MORC1: variants seen among roughly 807,000 people sequenced by gnomAD.
The protein encoded by MORC1 is MORC family CW-type zinc finger 1, also known as MORC family CW-type zinc finger protein 1.
A neutral mutation model predicts 134.9 loss-of-function variants in MORC1; 59 were observed. The observed-to-expected ratio is 0.44, with a 90% confidence interval of 0.35 to 0.54. The LOEUF is 0.54. MORC1 is among the 20% of genes least tolerant of loss of function. The pLI, the probability that MORC1 is intolerant of heterozygous loss-of-function variation, is 0.00. For missense variants in MORC1, 947 were observed against 1,134.5 expected, an observed-to-expected ratio of 0.83 and a Z score of 2.37; for synonymous variants, 395 against 391.7, an observed-to-expected ratio of 1.01 and a Z score of -0.10.
chr3:108,978,051 G>A (rs1366211094), intron 24 of MORC1, among the ~76,000 whole-genome samples: 1 of 152,080 alleles, frequency 6.6e-6, no homozygotes, highest in Admixed American at 6.5e-5. Context: ...CTAATTTTTT[G>A]TATTTTTAGT....
chr3:109,102,343 A>G (rs1162613423), intron 4 of MORC1, among the ~76,000 whole-genome samples: 3 of 152,166 alleles, frequency 2.0e-5, no homozygotes, highest in African/African-American at 7.2e-5. Context: ...AATTGTATTA[A>G]GTAATGGAAA....
intron 21 of MORC1, among the ~76,000 whole-genome samples, chr3:108,998,916 T>C (rs942691379): frequency 1.3e-5 from 2 of 152,110 alleles, no homozygotes; most frequent in Admixed American, 6.5e-5. Flanking sequence ...ATAAACATCA[T>C]CTCTAATTCC....
intron 16 of MORC1, among the ~76,000 whole-genome samples, chr3:109,031,673 G>A (rs1949244434): frequency 6.6e-6 from 1 of 152,120 alleles, no homozygotes; most frequent in African/African-American, 2.4e-5. Context: ...CCAAAATAAA[G>A]AAGAATAGAA....
Position 109,082,937 on chromosome 3 carries a change from T to C in MORC1, c.689+10499A>G, listed in dbSNP as rs114157301. ...TATCCAGGTATGGAAGCTCAGAAAA[T>C]ACCAAACAGATCCAACCCAAATAAG... On this transcript the variant is annotated intron_variant, in intron 8 of 27. Coordinates refer to ENST00000232603, the MANE Select transcript of MORC1 (RefSeq NM_014429.4). 5.1e-3 allele frequency among the ~76,000 whole-genome samples: 782 copies of C among 151,920 alleles called. 18 individuals are homozygous for C. The highest frequency in any genetic ancestry group is 0.018 in the African/African-American group (749 of 41,410).
At position 108,973,595 on chromosome 3, in the gene MORC1, GT is replaced by G. The variant is rs63198360; in HGVS notation, c.2478-2194del. On this transcript the variant is annotated intron_variant, in intron 24 of 27. Coordinates refer to ENST00000232603, the MANE Select transcript of MORC1 (RefSeq NM_014429.4). ...TTCGTTTTTTGTTTGCTTTGTTTTG[GT>G]TTTTTTTTTTTTTTTTCAGACTGAG... Among the ~76,000 whole-genome samples, 386 of 77,906 alleles carry G rather than the reference GT, an allele frequency of 5.0e-3. 1 individual carries two copies. The highest frequency in any genetic ancestry group is 0.021 in the African/African-American group (342 of 16,526). 51.1% of individuals were successfully genotyped at this position (77,906 alleles called of 152,430 possible).
At chr3:109,037,688 A>T (rs1949410502) in intron 14 of MORC1, among the ~76,000 whole-genome samples, 1 of 152,026 alleles carries the variant, frequency 6.6e-6, no homozygotes, top group Non-Finnish European at 1.5e-5. Context: ...TGAGAACATG[A>T]GGTGTTTGGT....
At chr3:108,986,770 C>T (rs1947904601) in intron 22 of MORC1, 110 bp downstream of exon 22, 1 of 755,710 alleles carries the variant, frequency 1.3e-6, no homozygotes, top group South Asian at 2.1e-5. Context: ...TTTTTAAAAT[C>T]CAAGTTGCTG....
intron 17 of MORC1, among the ~76,000 whole-genome samples, 185 bp downstream of exon 17, chr3:109,027,564 ATT>A (rs56210875): frequency 6.8e-6 from 1 of 147,686 alleles, no homozygotes; most frequent in Admixed American, 6.8e-5. Context: ...CATATACAGT[ATT>A]TTTTTTTTTT....
chr3:109,076,974 T>TAAAAAAA (rs10674222), intron 8 of MORC1, among the ~76,000 whole-genome samples: 3 of 142,466 alleles, frequency 2.1e-5, no homozygotes, highest in Non-Finnish European at 3.0e-5. Context: ...CTTAAAGTAT[T>TAAAAAAA]AAAAAAAAAA....
chr3:109,110,416 G>A (rs1217326228), intron 3 of MORC1: 5 of 229,788 alleles, frequency 2.2e-5, no homozygotes, highest in African/African-American at 1.1e-4. Flanking sequence ...TGGGAATGAT[G>A]TATGCTTAAT....
intron 22 of MORC1, among the ~76,000 whole-genome samples, chr3:108,985,651 AC>A (rs1947876993): frequency 6.6e-6 from 1 of 152,200 alleles, no homozygotes; most frequent in Admixed American, 6.5e-5. Flanking sequence ...AAAATTTTTA[AC>A]CCAACAGCTA....
chr3:109,108,205 T>C (rs577388295), intron 3 of MORC1, among the ~76,000 whole-genome samples: 4 of 152,064 alleles, frequency 2.6e-5, no homozygotes, highest in South Asian at 4.2e-4. Context: ...AAAGGAGAAG[T>C]GCCACTTTAA....
intron 6 of MORC1, among the ~76,000 whole-genome samples, chr3:109,095,323 G>A (rs1309473463): frequency 1.3e-5 from 2 of 152,174 alleles, no homozygotes; most frequent in Non-Finnish European, 2.9e-5. Context: ...AGGGTAGAAT[G>A]GCAGAGGAAA....
At chr3:108,976,950 G>A (rs180782446) in intron 24 of MORC1, among the ~76,000 whole-genome samples, 9 of 151,972 alleles carry the variant, frequency 5.9e-5, no homozygotes, top group Non-Finnish European at 1.0e-4. Flanking sequence ...GTTACACTTA[G>A]ACAAATAAAA....
intron 2 of MORC1, among the ~76,000 whole-genome samples, chr3:109,111,717 C>T (rs1250860932): frequency 1.3e-5 from 2 of 152,122 alleles, no homozygotes; most frequent in Non-Finnish European, 2.9e-5. Context: ...AAGCTCAGTG[C>T]AACAACAGCA....
intron 17 of MORC1, among the ~76,000 whole-genome samples, chr3:109,020,765 A>AAAAAAAAAAAAAC (rs545310953): frequency 0.28 from 33,074 of 119,288 alleles, 4,530 homozygotes; most frequent in Middle Eastern, 0.42. Flanking sequence ...ACTCTGTCTC[A>AAAAAAAAAAAAAC]AAAAAAAAAA....
At chr3:109,000,527 A>G in intron 21 of MORC1, 30 bp downstream of exon 21, 1 of 1,464,506 alleles carries the variant, frequency 6.8e-7, no homozygotes, top group East Asian at 2.3e-5. Flanking sequence ...GAAAATCTCA[A>G]GGTGTCATTT....
intron 8 of MORC1, among the ~76,000 whole-genome samples, chr3:109,085,082 G>T (rs959711542): frequency 6.6e-6 from 1 of 151,940 alleles, no homozygotes; most frequent in Non-Finnish European, 1.5e-5. Context: ...AAACTCTCCA[G>T]GAAATTGATC....
chr3:109,094,740 T>C (rs1201354139), intron 7 of MORC1, among the ~76,000 whole-genome samples, 169 bp downstream of exon 7: 1 of 152,140 alleles, frequency 6.6e-6, no homozygotes, highest in East Asian at 1.9e-4. Flanking sequence ...AGTAATTTGT[T>C]TGGATGCTCT....
Sources: allele counts gnomAD v4.1 joint callset (sites outside exome capture counted in the v4.1 genomes callset), GRCh38; gene constraint gnomAD v4.1.1; transcripts MANE v1.5; gene names NCBI Gene and HGNC (gene_info 2026-07-23, HGNC 2026-07-21).